CCBE1: variants seen among roughly 807,000 people sequenced by gnomAD.
CCBE1 encodes collagen and calcium-binding EGF domain-containing protein 1.
A neutral mutation model predicts 50.0 loss-of-function variants in CCBE1; 37 were observed. The observed-to-expected ratio is 0.74, with a 90% CI of 0.57 to 0.97. CCBE1 has a LOEUF of 0.97. CCBE1 is among the 50% of genes least tolerant of loss of function. The pLI, the probability that CCBE1 is intolerant of heterozygous loss-of-function variation, is 0.00. For synonymous variants in CCBE1, 234 were observed against 203.7 expected (o/e 1.15, Z -1.27); for missense variants, 538 against 523.8 (o/e 1.03, Z -0.26).
At chr18:59,466,528 T>C (rs1316016654) in intron 5 of CCBE1, among the ~76,000 whole-genome samples, 4 of 151,996 alleles carry the variant, frequency 2.6e-5, no homozygotes, top group South Asian at 2.1e-4. Context: ...TAAATAATTA[T>C]GTATAATTAC....
At chr18:59,648,435 G>A (rs1213229999) in intron 2 of CCBE1, among the ~76,000 whole-genome samples, 1 of 152,184 alleles carries the variant, frequency 6.6e-6, no homozygotes, top group Non-Finnish European at 1.5e-5. Flanking sequence ...GCCAGGCATG[G>A]GGGCTCACAC....
chr18:59,562,985 GC>G (rs2052763800), intron 2 of CCBE1, among the ~76,000 whole-genome samples: 1 of 152,214 alleles, frequency 6.6e-6, no homozygotes, highest in Non-Finnish European at 1.5e-5. Context: ...GATTGCTTAA[GC>G]CCAAAACAGA....
chr18:59,608,012 G>T (rs1599058287), intron 2 of CCBE1, among the ~76,000 whole-genome samples: 1 of 151,954 alleles, frequency 6.6e-6, no homozygotes, highest in Admixed American at 6.6e-5. Context: ...GGAAGCAGAG[G>T]TGTAGTGAGC....
rs892100352 is a variant in CCBE1, at chr18:59,477,103, C to T, written c.265+3083G>A. Among the ~76,000 whole-genome samples, 6 of 152,328 alleles carry T rather than the reference C, an allele frequency of 3.9e-5. No individual in the cohort carries two copies. The East Asian group carries it at 7.7e-4, about 20-fold the overall frequency. On this transcript the variant is annotated intron_variant, in intron 3 of 10. Coordinates refer to ENST00000439986, the MANE Select transcript of CCBE1 (RefSeq NM_133459.4). ...GGTGCCACCTGGCTACTTTGGTCTC[C>T]TCATGCCTCTGCATCAGCAGGCAAA...
At chr18:59,695,909 T>C (rs2054797747) in intron 2 of CCBE1, among the ~76,000 whole-genome samples, 1 of 152,252 alleles carries the variant, frequency 6.6e-6, no homozygotes, top group Non-Finnish European at 1.5e-5. Flanking sequence ...AAGAATTCAA[T>C]GGTGAAAAAC....
chr18:59,560,702 G>A (rs768892452), intron 2 of CCBE1, among the ~76,000 whole-genome samples: 6 of 152,218 alleles, frequency 3.9e-5, no homozygotes, highest in Non-Finnish European at 7.3e-5. Flanking sequence ...AAAGCAGTTA[G>A]TAACTGCATA....
chr18:59,677,078 G>C (rs2054514586), intron 2 of CCBE1, among the ~76,000 whole-genome samples: 3 of 152,082 alleles, frequency 2.0e-5, no homozygotes, highest in Admixed American at 2.0e-4. Context: ...TTTAAGCCTG[G>C]GTATTTTAAG....
chr18:59,670,273 A>C (rs1282575379), intron 2 of CCBE1, among the ~76,000 whole-genome samples: 3 of 152,200 alleles, frequency 2.0e-5, no homozygotes, highest in East Asian at 3.8e-4. Context: ...TTTATCCCAC[A>C]AACTAAAGAA....
At chr18:59,586,536 A>G (rs973618969) in intron 2 of CCBE1, among the ~76,000 whole-genome samples, 10 of 152,214 alleles carry the variant, frequency 6.6e-5, no homozygotes, top group African/African-American at 2.4e-4. Flanking sequence ...CAATGTTAAA[A>G]CTAAAATATC....
intron 2 of CCBE1, among the ~76,000 whole-genome samples, chr18:59,621,454 G>A (rs1339958137): frequency 6.6e-6 from 1 of 152,208 alleles, no homozygotes; most frequent in African/African-American, 2.4e-5. Flanking sequence ...GCTCATAGAT[G>A]AGATTCCTGA....
intron 2 of CCBE1, among the ~76,000 whole-genome samples, chr18:59,512,454 C>T (rs1914172637): frequency 6.6e-6 from 1 of 152,246 alleles, no homozygotes. Context: ...GCTGCATGCC[C>T]TGCAAGGGGG....
At chr18:59,649,658 T>C (rs1003522471) in intron 2 of CCBE1, among the ~76,000 whole-genome samples, 2 of 151,710 alleles carry the variant, frequency 1.3e-5, no homozygotes, top group African/African-American at 4.8e-5. Context: ...CCAAAGCCCA[T>C]GCTCTTTCAA....
chr18:59,630,995 A>G (rs886650276), intron 2 of CCBE1, among the ~76,000 whole-genome samples: 2 of 152,192 alleles, frequency 1.3e-5, no homozygotes, highest in Non-Finnish European at 2.9e-5. Flanking sequence ...CTGTTCTTTT[A>G]GCTTGCCTAG....
intron 5 of CCBE1, among the ~76,000 whole-genome samples, chr18:59,462,861 G>A (rs1309019363): frequency 6.6e-6 from 1 of 152,160 alleles, no homozygotes; most frequent in Non-Finnish European, 1.5e-5. Flanking sequence ...ATCATGTGGG[G>A]AAATGCTGCA....
At chr18:59,461,328 A>ATTTTTTTATTT in intron 5 of CCBE1, among the ~76,000 whole-genome samples, 1 of 139,616 alleles carries the variant, frequency 7.2e-6, no homozygotes. Context: ...TGCCAGAACC[A>ATTTTTTTATTT]TCAAAGCCAG....
At chr18:59,600,214 CA>C (rs1396954558) in intron 2 of CCBE1, among the ~76,000 whole-genome samples, 1 of 152,060 alleles carries the variant, frequency 6.6e-6, no homozygotes, top group Non-Finnish European at 1.5e-5. Flanking sequence ...AGATCAGCTG[CA>C]GCATGAAGTT....
chr18:59,669,155 G>T (rs1302520432), intron 2 of CCBE1, among the ~76,000 whole-genome samples: 2 of 152,032 alleles, frequency 1.3e-5, no homozygotes, highest in Non-Finnish European at 2.9e-5. Flanking sequence ...CACTTATAAA[G>T]ATGAAGTATT....
At chr18:59,610,393 C>G (rs2053552372) in intron 2 of CCBE1, among the ~76,000 whole-genome samples, 1 of 152,104 alleles carries the variant, frequency 6.6e-6, no homozygotes, top group Non-Finnish European at 1.5e-5. Flanking sequence ...ATTCTAGGCT[C>G]TATGGCCCCT....
In CCBE1 at chr18:59,476,223, A is replaced by T. The variant is rs558098574; in HGVS notation, c.265+3963T>A. ...GGTGCTTTTATGAAGATTAAATTGG[A>T]TGATGCCATTAAGCACTGTGCCCGA... On this transcript the variant is annotated intron_variant, in intron 3 of 10. Transcript: ENST00000439986. 1.7e-3 allele frequency among the ~76,000 whole-genome samples: 261 copies of T among 152,236 alleles called. 1 individual carries two copies. Among genetic ancestry groups the T allele is most frequent in the South Asian group, 0.016 (79 of 4,818 alleles).
Sources: allele counts gnomAD v4.1 joint callset (sites outside exome capture counted in the v4.1 genomes callset), GRCh38; gene constraint gnomAD v4.1.1; transcripts MANE v1.5; gene names NCBI Gene and HGNC (gene_info 2026-07-23, HGNC 2026-07-21).